PCDH15: variants seen among roughly 807,000 people sequenced by gnomAD.
PCDH15 encodes the protein protocadherin related 15, also known as protocadherin-15.
A neutral mutation model predicts 178.5 loss-of-function variants in PCDH15; 129 were observed. The ratio of observed to expected loss-of-function variants is 0.72; its 90% CI spans 0.63 to 0.84. PCDH15 has a LOEUF of 0.84. Among genes scored for constraint, PCDH15 ranks in the 40% least tolerant of loss-of-function variants. The pLI, the probability that PCDH15 is intolerant of heterozygous loss-of-function variation, is 0.00. For synonymous variants in PCDH15, 800 were observed against 732.0 expected (o/e 1.09, Z -1.50); for missense variants, 2,230 against 2,099.9 (o/e 1.06, Z -1.21).
intron 2 of PCDH15, among the ~76,000 whole-genome samples, chr10:55,457,406 T>C (rs1163226083): frequency 6.6e-6 from 1 of 152,070 alleles, no homozygotes; most frequent in East Asian, 1.9e-4. Context: ...CATGTACTCT[T>C]ACTTAGTGTG....
chr10:54,808,955 AAC>A (rs1357383285), intron 3 of PCDH15, among the ~76,000 whole-genome samples: 50 of 151,442 alleles, frequency 3.3e-4, no homozygotes, highest in African/African-American at 1.2e-3. Flanking sequence ...AAAAAAAAAA[AAC>A]CAACACAGAT....
At chr10:54,440,341 C>A (rs1402355799) in intron 3 of PCDH15, among the ~76,000 whole-genome samples, 1 of 151,840 alleles carries the variant, frequency 6.6e-6, no homozygotes, top group East Asian at 1.9e-4. Context: ...TTTTTTAATC[C>A]TCAAAAATTG....
intron 2 of PCDH15, among the ~76,000 whole-genome samples, chr10:55,568,080 A>G (rs552820008): frequency 4.6e-4 from 70 of 152,152 alleles, no homozygotes; most frequent in African/African-American, 1.4e-3. Context: ...TATGTACCCA[A>G]TAGTTTCTTA....
chr10:55,086,958 G>A (rs190291899), intron 2 of PCDH15, among the ~76,000 whole-genome samples: 9 of 152,010 alleles, frequency 5.9e-5, no homozygotes, highest in Admixed American at 3.3e-4. Context: ...GCAACTTCTC[G>A]AATGGTTCAA....
intron 1 of PCDH15, among the ~76,000 whole-genome samples, chr10:54,785,152 A>C (rs1591622414): frequency 6.6e-6 from 1 of 152,010 alleles, no homozygotes; most frequent in East Asian, 1.9e-4. Context: ...CCATTTTATA[A>C]AAATGCCTTT....
intron 2 of PCDH15, among the ~76,000 whole-genome samples, chr10:55,014,205 T>C (rs904713053): frequency 6.6e-6 from 1 of 152,142 alleles, no homozygotes; most frequent in African/African-American, 2.4e-5. Flanking sequence ...TTGAAATTTT[T>C]TTTTTATAAT....
chr10:53,997,204 A>G (rs2091898440), intron 20 of PCDH15, among the ~76,000 whole-genome samples: 1 of 152,190 alleles, frequency 6.6e-6, no homozygotes, highest in African/African-American at 2.4e-5. Flanking sequence ...TCTTCTATGA[A>G]AAATATTTTT....
At chr10:54,792,769 C>A (rs755730079) in intron 1 of PCDH15, among the ~76,000 whole-genome samples, 2 of 151,810 alleles carry the variant, frequency 1.3e-5, no homozygotes, top group Non-Finnish European at 2.9e-5. Flanking sequence ...GATAGACAGA[C>A]AAATAGGTAA....
At chr10:54,938,685 T>A (rs533481641) in intron 2 of PCDH15, among the ~76,000 whole-genome samples, 35 of 152,310 alleles carry the variant, frequency 2.3e-4, no homozygotes, top group African/African-American at 7.2e-4. Context: ...GATATGTTAA[T>A]TTATATGGCA....
At chr10:54,016,784 T>C (rs1015025698) in intron 20 of PCDH15, among the ~76,000 whole-genome samples, 4 of 152,178 alleles carry the variant, frequency 2.6e-5, no homozygotes, top group African/African-American at 4.8e-5. Flanking sequence ...TAAGGTACTA[T>C]GTTCATTACC....
At chr10:55,387,069 CT>C (rs1433904044) in intron 2 of PCDH15, among the ~76,000 whole-genome samples, 1 of 151,964 alleles carries the variant, frequency 6.6e-6, no homozygotes, top group African/African-American at 2.4e-5. Flanking sequence ...TTTACATAAA[CT>C]TTTTTATTTG....
At chr10:54,616,608 T>A (rs2093164827) in intron 2 of PCDH15, among the ~76,000 whole-genome samples, 1 of 152,044 alleles carries the variant, frequency 6.6e-6, no homozygotes, top group Admixed American at 6.6e-5. Context: ...TTTAAAAAAT[T>A]AACTCTAGTT....
intron 8 of PCDH15, among the ~76,000 whole-genome samples, chr10:54,281,564 T>C (rs2058707357): frequency 1.3e-5 from 2 of 152,026 alleles, no homozygotes; most frequent in African/African-American, 4.8e-5. Flanking sequence ...ATGTGGTAAA[T>C]ACCAGCATAA....
At chr10:55,576,846 AAAAC>A (rs1472675994) in intron 2 of PCDH15, among the ~76,000 whole-genome samples, 1 of 152,242 alleles carries the variant, frequency 6.6e-6, no homozygotes, top group Non-Finnish European at 1.5e-5. Flanking sequence ...TCTCATCTCC[AAAAC>A]AAAAATAATT....
In PCDH15 at chr10:54,693,906, C is replaced by CA. The variant is rs2095174289; in HGVS notation, c.-28-29617dup. Reference sequence around the variant, plus strand: ...CGTACAAGAAAAAACCAAACCGAAACAAAAAATAGTGTAGTTCTTTTTTTC... The same window carrying CA: ...CGTACAAGAAAAAACCAAACCGAAACAAAAAAATAGTGTAGTTCTTTTTTTC... On this transcript the variant is annotated intron_variant, in intron 1 of 37. Coordinates refer to ENST00000644397, the MANE Select transcript of PCDH15 (RefSeq NM_001384140.1). Among the ~76,000 whole-genome samples the CA allele has an allele frequency of 2.0e-5, 3 of 152,026 alleles. No homozygotes were observed. In the South Asian group the frequency reaches 6.2e-4, roughly 32 times the overall value.
At chr10:54,428,901 T>C (rs556038730) in intron 3 of PCDH15, among the ~76,000 whole-genome samples, 3 of 152,134 alleles carry the variant, frequency 2.0e-5, no homozygotes, top group Non-Finnish European at 2.9e-5. Flanking sequence ...CCTTCACAGA[T>C]AAACAAAAGC....
At chr10:53,809,669 G>C in intron 37 of PCDH15, 1 of 928,568 alleles carries the variant, frequency 1.1e-6, no homozygotes, top group Non-Finnish European at 1.6e-6. Flanking sequence ...TATATAACTG[G>C]CTTAAGAAAA....
chr10:55,339,558 A>G (rs1844493493), intron 2 of PCDH15, among the ~76,000 whole-genome samples: 1 of 152,166 alleles, frequency 6.6e-6, no homozygotes, highest in African/African-American at 2.4e-5. Flanking sequence ...TCTATGCTGC[A>G]TTGGTTAGAT....
At chr10:54,240,923 G>A (rs1033734424) in intron 8 of PCDH15, among the ~76,000 whole-genome samples, 7 of 152,112 alleles carry the variant, frequency 4.6e-5, no homozygotes, top group East Asian at 1.9e-4. Context: ...GAGCCACCGC[G>A]CCTGGCCAAT....
Sources: allele counts gnomAD v4.1 joint callset (sites outside exome capture counted in the v4.1 genomes callset), GRCh38; gene constraint gnomAD v4.1.1; transcripts MANE v1.5; gene names NCBI Gene and HGNC (gene_info 2026-07-23, HGNC 2026-07-21).